The following AK3 variants were observed in gnomAD, a reference collection of about 807,000 sequenced individuals.
The protein encoded by AK3 is GTP:AMP phosphotransferase AK3, mitochondrial.
Under a neutral mutation model 23.7 loss-of-function variants are expected in AK3, and 27 were observed. The observed-to-expected ratio is 1.14, with a 90% confidence interval of 0.84 to 1.57. The LOEUF (loss-of-function observed/expected upper bound fraction) is 1.57, where lower values mean the gene tolerates loss of function less well. AK3 is among the 40% of genes most tolerant of loss of function. AK3 has a pLI of 0.00. For missense variants in AK3, 406 were observed against 285.6 expected, an observed-to-expected ratio of 1.42 and a Z score of -3.04; for synonymous variants, 159 against 116.0, an observed-to-expected ratio of 1.37 and a Z score of -2.38.
chr9:4,737,531 C>A (rs1162476151), intron 1 of AK3, among the ~76,000 whole-genome samples: 1 of 152,232 alleles, frequency 6.6e-6, no homozygotes, highest in African/African-American at 2.4e-5. Flanking sequence ...GACCAGCCTG[C>A]CAATACGGCA....
intron 1 of AK3, among the ~76,000 whole-genome samples, chr9:4,738,127 C>T (rs1337451895): frequency 1.3e-5 from 2 of 152,092 alleles, no homozygotes; most frequent in Non-Finnish European, 2.9e-5. Context: ...CATACGCGTC[C>T]AATAAAAATG....
chr9:4,713,181 A>C (rs1841609917), intron 4 of AK3, 85 bp from the exon 5 acceptor site: 1 of 1,510,680 alleles, frequency 6.6e-7, no homozygotes. Flanking sequence ...GTAAATAATG[A>C]TATTGTAGAT....
Position 4,741,044 on chromosome 9 carries a change from G to T in AK3, c.44C>A (p.Ala15Asp), listed in dbSNP as rs1563802991. 6.4e-7 allele frequency: 1 copy of T among 1,573,994 alleles called. No homozygotes were observed. Among genetic ancestry groups the T allele is most frequent in the Admixed American group, 1.8e-5 (1 of 54,178 alleles). Residue 15 changes from alanine to aspartate, a missense_variant, in exon 1 of 5, where the codon GCC becomes GAC. Physicochemically the swap from Ala to Asp is moderately radical, Grantham distance 126 (BLOSUM62 -2). Transcript: ENST00000381809. Reference protein sequence around the residue: ...ARLLRAVIMGAPGSGKGTVSS... With the variant: ...ARLLRAVIMGDPGSGKGTVSS... ...CACGGTGCCCTTGCCCGAGCCCGGG[G>T]CCCCCATGATCACCGCTCGCAGCAG...
intron 1 of AK3, 76 bp downstream of exon 1, chr9:4,740,861 C>G: frequency 7.3e-7 from 1 of 1,372,384 alleles, no homozygotes; most frequent in Non-Finnish European, 9.5e-7. Context: ...GACCCGCGTG[C>G]CCAGCTTCGG....
Position 4,739,691 on chromosome 9 carries a change from G to A in AK3, c.151+1246C>T, listed in dbSNP as rs550699902. Among the ~76,000 whole-genome samples, 11 of 152,078 alleles carry A rather than the reference G, an allele frequency of 7.2e-5. No homozygotes were observed. In the East Asian group the frequency reaches 1.9e-3, roughly 27 times the overall value. On this transcript the variant is annotated intron_variant, in intron 1 of 4. Coordinates refer to ENST00000381809, the MANE Select transcript of AK3 (RefSeq NM_016282.4). ...TCACGCCTGTAATCCGAGCACTTTG[G>A]AAGGCCGAGCCGGGTGGATCACGAG...
intron 1 of AK3, among the ~76,000 whole-genome samples, chr9:4,732,280 C>T (rs1051239394): frequency 1.3e-5 from 2 of 152,070 alleles, no homozygotes; most frequent in African/African-American, 2.4e-5. Context: ...TTTTCTCTCA[C>T]TTGGTTTATT....
chr9:4,730,255 G>C, intron 1 of AK3, among the ~76,000 whole-genome samples: 1 of 152,128 alleles, frequency 6.6e-6, no homozygotes. Flanking sequence ...AATTGATTGA[G>C]GTGATGGTTG....
chr9:4,719,440 AC>A, intron 2 of AK3, 133 bp from the exon 3 acceptor site: 1 of 835,204 alleles, frequency 1.2e-6, no homozygotes, highest in Non-Finnish European at 1.8e-6. Flanking sequence ...AATGAGGCTC[AC>A]CAGGCAGGCC....
At chr9:4,728,776 A>C (rs985941208) in intron 1 of AK3, among the ~76,000 whole-genome samples, 1 of 149,410 alleles carries the variant, frequency 6.7e-6, no homozygotes, top group African/African-American at 2.5e-5. Context: ...AAGGAGTTTC[A>C]CTTGAGGCCA....
At chr9:4,717,858 T>C (rs1168513108) in intron 4 of AK3, among the ~76,000 whole-genome samples, 1 of 152,208 alleles carries the variant, frequency 6.6e-6, no homozygotes, top group Admixed American at 6.5e-5. Flanking sequence ...TAGGATGTAA[T>C]TTCATTGTAA....
At chr9:4,722,895 G>A (rs1841937514) in intron 1 of AK3, among the ~76,000 whole-genome samples, 1 of 152,038 alleles carries the variant, frequency 6.6e-6, no homozygotes, top group African/African-American at 2.4e-5. Context: ...AGTCTCTACA[G>A]AAATAAAAAA....
intron 1 of AK3, among the ~76,000 whole-genome samples, chr9:4,729,015 A>ATATATTTATTTTT (rs71326127): frequency 7.7e-5 from 10 of 129,450 alleles, no homozygotes; most frequent in Non-Finnish European, 1.6e-4. Flanking sequence ...ATATATATAT[A>ATATATTTATTTTT]TTTTTTTTTT....
chr9:4,721,799 G>A (rs1047967397), intron 2 of AK3, among the ~76,000 whole-genome samples: 9 of 152,142 alleles, frequency 5.9e-5, no homozygotes, highest in Non-Finnish European at 1.3e-4. Flanking sequence ...TTATATCTGT[G>A]CTTATCCAAG....
Position 4,719,299 on chromosome 9 carries a change from T to C in AK3, c.280A>G (p.Arg94Gly), listed in dbSNP as rs577153222. ...AGGGCTTCTGCCTGTGGAAGTGTCC[T>C]TGGAAAACCTTTATAAAGTAAAAAA... The part of the protein sequence containing the change: ...QYSWLLDGFP[R>G]TLPQAEALDR... Residue 94 changes from arginine (R) to glycine (G), a missense_variant, in exon 3 of 5, where the codon AGG becomes GGG. Transcript: ENST00000381809. 6.3e-7 allele frequency: 1 copy of C among 1,595,588 alleles called. No individual in the cohort carries two copies. Among genetic ancestry groups the C allele is most frequent in the South Asian group, 1.1e-5 (1 of 89,918 alleles).
At chr9:4,733,798 G>A (rs1224811065) in intron 1 of AK3, among the ~76,000 whole-genome samples, 1 of 152,012 alleles carries the variant, frequency 6.6e-6, no homozygotes, top group African/African-American at 2.4e-5. Flanking sequence ...CCCCAGCAAG[G>A]AGCTCTACAC....
intron 1 of AK3, among the ~76,000 whole-genome samples, chr9:4,740,152 C>T (rs553379679): frequency 2.0e-5 from 3 of 149,698 alleles, no homozygotes; most frequent in Admixed American, 1.3e-4. Flanking sequence ...AGTTTCAAAA[C>T]GGGTTCTATT....
At chr9:4,721,354 G>T (rs1414619467) in intron 2 of AK3, among the ~76,000 whole-genome samples, 1 of 150,118 alleles carries the variant, frequency 6.7e-6, no homozygotes, top group African/African-American at 2.4e-5. Flanking sequence ...AGTGAGAGGA[G>T]ATCGCACCAT....
intron 1 of AK3, among the ~76,000 whole-genome samples, chr9:4,726,348 G>C (rs1457755169): frequency 6.6e-6 from 1 of 152,174 alleles, no homozygotes; most frequent in East Asian, 1.9e-4. Context: ...ATCCACAGTA[G>C]AACTTCTTTC....
Position 4,712,623 on chromosome 9 carries a change from T to C in AK3, c.*353A>G, listed in dbSNP as rs552233843. On this transcript the variant is annotated 3_prime_UTR_variant, in exon 5 of 5. Coordinates refer to ENST00000381809, the MANE Select transcript of AK3 (RefSeq NM_016282.4). ...TCTCCAAATGACATGTAACTTTTTTTAACTTTTCCAGAAAAATATGGAAAC... is the reference window on the plus strand; with the variant it reads ...TCTCCAAATGACATGTAACTTTTTTCAACTTTTCCAGAAAAATATGGAAAC... 3 of 156,474 alleles carry C rather than the reference T, an allele frequency of 1.9e-5. No homozygotes were observed. The highest frequency in any genetic ancestry group is 4.1e-4 in the South Asian group (2 of 4,938). The allele number at this position is 156,474 out of a possible 1,614,324, so 9.7% of individuals were successfully genotyped here.
Sources: allele counts gnomAD v4.1 joint callset (sites outside exome capture counted in the v4.1 genomes callset), GRCh38; gene constraint gnomAD v4.1.1; transcripts MANE v1.5; gene names NCBI Gene and HGNC (gene_info 2026-07-23, HGNC 2026-07-21).